ZNF420: variants seen among roughly 807,000 people sequenced by gnomAD.
ZNF420 encodes zinc finger protein 420, also known as ATM and p53-associated KZNF protein.
Under a neutral mutation model 44.7 loss-of-function variants are expected in ZNF420, and 31 were observed. The ratio of observed to expected loss-of-function variants is 0.69; its 90% CI spans 0.52 to 0.94. The LOEUF is 0.94. ZNF420 is among the 40% of genes least tolerant of loss of function. ZNF420 has a pLI of 0.00. For synonymous variants in ZNF420, 245 were observed against 267.4 expected, an observed-to-expected ratio of 0.92 and a Z score of 0.82; for missense variants, 681 against 827.9, an observed-to-expected ratio of 0.82 and a Z score of 2.18.
intron 1 of ZNF420, among the ~76,000 whole-genome samples, chr19:37,057,662 G>A (rs557106474): frequency 6.6e-6 from 1 of 152,164 alleles, no homozygotes; most frequent in East Asian, 1.9e-4. Context: ...TTTCGTGGTG[G>A]TTCCACTTTG....
upstream of ZNF420, among the ~76,000 whole-genome samples, chr19:37,074,032 A>C (rs950021385): frequency 2.6e-5 from 4 of 152,122 alleles, no homozygotes; most frequent in Admixed American, 6.6e-5. Context: ...TCTTTTATAT[A>C]CAAGAAGGAA....
intron 2 of ZNF420, among the ~76,000 whole-genome samples, chr19:37,081,099 A>G (rs1050115862): frequency 5.3e-5 from 8 of 150,118 alleles, no homozygotes; most frequent in African/African-American, 2.0e-4. Context: ...ATCTTGTTTC[A>G]TTTATTCTAC....
At chr19:37,115,550 A>G (rs1337663021) in intron 4 of ZNF420, among the ~76,000 whole-genome samples, 1 of 152,090 alleles carries the variant, frequency 6.6e-6, no homozygotes, top group African/African-American at 2.4e-5. Context: ...TGCATTAAAT[A>G]GCAGTATTGC....
Position 37,127,328 on chromosome 19 carries a change from A to C in ZNF420, c.337A>C (p.Ile113Leu). Residue 113 changes from isoleucine to leucine, a missense_variant, in exon 5 of 5, where the codon ATA (isoleucine) becomes CTA (leucine). Ile to Leu is a conservative substitution (Grantham distance 5). Transcript: ENST00000337995. ...QKEYFRQGMI[I>L]YDKMSIFNQH... Reference sequence around the variant, plus strand: ...GGAATATTTCAGGCAAGGGATGATCATATATGACAAAATGTCCATTTTCAA... The same window carrying C: ...GGAATATTTCAGGCAAGGGATGATCCTATATGACAAAATGTCCATTTTCAA... 1 of 1,612,510 alleles carries C rather than the reference A, an allele frequency of 6.2e-7. No homozygotes were observed. The highest frequency in any genetic ancestry group is 8.5e-7 in the Non-Finnish European group (1 of 1,178,968).
intron 4 of ZNF420, among the ~76,000 whole-genome samples, chr19:37,111,268 T>G (rs1409814293): frequency 2.6e-5 from 4 of 152,354 alleles, no homozygotes; most frequent in Admixed American, 2.0e-4. Context: ...TTTCTTTTGT[T>G]GCCTCTCGGG....
At chr19:37,099,980 G>T (rs752036327) in intron 4 of ZNF420, among the ~76,000 whole-genome samples, 1 of 152,062 alleles carries the variant, frequency 6.6e-6, no homozygotes, top group East Asian at 1.9e-4. Context: ...TTACTTTGAT[G>T]TAGTATGTTT....
intron 2 of ZNF420, among the ~76,000 whole-genome samples, chr19:37,085,397 A>G (rs1291419654): frequency 6.6e-6 from 1 of 152,178 alleles, no homozygotes; most frequent in Non-Finnish European, 1.5e-5. Flanking sequence ...TTGTTAATGA[A>G]GAGTCTGACT....
intron 1 of ZNF420, among the ~76,000 whole-genome samples, chr19:37,038,580 A>T (rs566719909): frequency 3.2e-4 from 49 of 152,216 alleles, no homozygotes; most frequent in Non-Finnish European, 5.9e-4. Flanking sequence ...TGTTGACAGC[A>T]TCTTCACCAG....
chr19:37,042,847 T>A (rs959579910), intron 1 of ZNF420, among the ~76,000 whole-genome samples: 5 of 152,222 alleles, frequency 3.3e-5, no homozygotes, highest in African/African-American at 1.2e-4. Context: ...TTCTTGGTGT[T>A]GAGTGAAAGT....
upstream of ZNF420, chr19:37,075,031 A>T (rs527856895): frequency 1.3e-5 from 2 of 152,244 alleles, no homozygotes; most frequent in African/African-American, 4.8e-5. Context: ...TGTTGGAAGA[A>T]GTTCAAAATC....
Position 37,130,278 on chromosome 19 carries a change from TC to T in ZNF420, c.*1222del. ...CCATACTAGCTCTGGTCTGCTTGCC[TC>T]CTGTTTCTCTTTAAATAAAATTAAA... On this transcript the variant is annotated 3_prime_UTR_variant, in exon 5 of 5. Coordinates refer to ENST00000337995, the MANE Select transcript of ZNF420 (RefSeq NM_144689.5). 2 of 1,418,878 alleles carry T rather than the reference TC, an allele frequency of 1.4e-6. No homozygotes were observed. The highest frequency in any genetic ancestry group is 1.8e-6 in the Non-Finnish European group (2 of 1,082,262). The allele number at this position is 1,418,878 out of a possible 1,614,324, so 87.9% of individuals were successfully genotyped here. A position where few individuals can be genotyped will look rare whatever the true frequency, so the allele number is the denominator to read the frequency against.
At chr19:37,068,252 T>C (rs377277743) in intron 1 of ZNF420, among the ~76,000 whole-genome samples, 1 of 151,684 alleles carries the variant, frequency 6.6e-6, no homozygotes, top group Non-Finnish European at 1.5e-5. Flanking sequence ...GCAGAAAAGG[T>C]TGGGGAGGGG....
At chr19:37,092,821 G>A (rs1032778413) in intron 4 of ZNF420, among the ~76,000 whole-genome samples, 1 of 152,020 alleles carries the variant, frequency 6.6e-6, no homozygotes, top group African/African-American at 2.4e-5. Context: ...GAAGGCAGAA[G>A]TGCACTATAT....
At position 37,128,925 on chromosome 19, in the gene ZNF420, G is replaced by A; in HGVS notation, c.1934G>A (p.Cys645Tyr). Residue 645 changes from cysteine to tyrosine, a missense_variant, in exon 5 of 5, where the codon TGT becomes TAT. Coordinates refer to ENST00000337995, the MANE Select transcript of ZNF420 (RefSeq NM_144689.5). The part of the protein sequence containing the change: ...RIHTGEKPYQ[C>Y]KECGKAFTRG... Reference sequence around the variant, plus strand: ...CATACTGGTGAGAAACCATATCAATGTAAGGAATGTGGGAAGGCCTTTACT... The same window carrying A: ...CATACTGGTGAGAAACCATATCAATATAAGGAATGTGGGAAGGCCTTTACT... 1 of 1,614,108 alleles carries A rather than the reference G, an allele frequency of 6.2e-7. No homozygotes were observed. Among genetic ancestry groups the A allele is most frequent in the Non-Finnish European group, 8.5e-7 (1 of 1,179,990 alleles).
intron 2 of ZNF420, among the ~76,000 whole-genome samples, chr19:37,084,182 G>A (rs941956568): frequency 6.6e-6 from 1 of 152,020 alleles, no homozygotes; most frequent in African/African-American, 2.4e-5. Flanking sequence ...AAACTCTTAA[G>A]ACAACTTTGA....
intron 4 of ZNF420, among the ~76,000 whole-genome samples, chr19:37,103,599 CTT>C (rs1363735309): frequency 1.3e-5 from 2 of 152,176 alleles, no homozygotes; most frequent in Non-Finnish European, 2.9e-5. Context: ...TTCTTGCTTC[CTT>C]GTCTGTTTAC....
At chr19:37,064,051 C>T (rs1967924662) in intron 1 of ZNF420, among the ~76,000 whole-genome samples, 1 of 152,054 alleles carries the variant, frequency 6.6e-6, no homozygotes, top group South Asian at 2.1e-4. Context: ...GATAAGGTTC[C>T]GAGTTGTAGA....
At chr19:37,025,371 G>GT (rs34570287) in intron 1 of ZNF420, 17 of 159,818 alleles carry the variant, frequency 1.1e-4, no homozygotes, top group East Asian at 8.9e-4. Context: ...AACTGTTGTT[G>GT]TTTTTTTTAA....
chr19:37,050,196 C>T (rs558739119), intron 1 of ZNF420, among the ~76,000 whole-genome samples: 10 of 152,200 alleles, frequency 6.6e-5, no homozygotes, highest in South Asian at 2.1e-4. Context: ...CTTGGCAATG[C>T]GGGCTCTTTT....
Sources: allele counts gnomAD v4.1 joint callset (sites outside exome capture counted in the v4.1 genomes callset), GRCh38; gene constraint gnomAD v4.1.1; transcripts MANE v1.5; gene names NCBI Gene and HGNC (gene_info 2026-07-23, HGNC 2026-07-21).